The following DNAH9 variants were observed in gnomAD, a reference collection of about 807,000 sequenced individuals.
DNAH9 encodes dynein axonemal heavy chain 9.
DNAH9 carries 345 observed loss-of-function variants against 471.6 expected under a neutral mutation model. The observed-to-expected ratio is 0.73, with a 90% CI of 0.67 to 0.80. The LOEUF (loss-of-function observed/expected upper bound fraction) is 0.80, where lower values mean the gene tolerates loss of function less well. Among genes scored for constraint, DNAH9 ranks in the 30% least tolerant of loss-of-function variants. The pLI, the probability that DNAH9 is intolerant of heterozygous loss-of-function variation, is 0.00. For missense variants in DNAH9, 5,407 were observed against 5,609.2 expected (o/e 0.96, Z 1.15); for synonymous variants, 2,093 against 2,123.6 (o/e 0.99, Z 0.40).
intron 66 of DNAH9, among the ~76,000 whole-genome samples, chr17:11,941,355 A>C (rs1041093245): frequency 1.3e-5 from 2 of 152,070 alleles, no homozygotes; most frequent in Non-Finnish European, 2.9e-5. Context: ...CCTCTGTCCC[A>C]ACCTGCTGGC....
In DNAH9 at chr17:11,871,690, T is replaced by C. The variant is rs774360611; in HGVS notation, c.10146T>C (p.Leu3382=). Residue 3382 remains leucine, a synonymous_variant, in exon 52 of 69, where the codon CTT becomes CTC. Transcript: ENST00000262442. ...QERTLCGDIL[L]ITAFISYLGF... is the part of the protein sequence containing the mutation. ...GGACGTTATGTGGAGACATTTTACTTATAACGGCTTTCATTTCCTACCTTG... is the reference window on the plus strand; with the variant it reads ...GGACGTTATGTGGAGACATTTTACTCATAACGGCTTTCATTTCCTACCTTG... The C allele has an allele frequency of 1.2e-6, 2 of 1,614,094 alleles. No homozygotes were observed. The highest frequency in any genetic ancestry group is 1.7e-6 in the Non-Finnish European group (2 of 1,180,034).
chr17:11,694,510 G>A, intron 22 of DNAH9, 63 bp downstream of exon 22: 2 of 1,588,430 alleles, frequency 1.3e-6, no homozygotes, highest in Middle Eastern at 3.4e-4. Flanking sequence ...GCAGGAGGCA[G>A]TTTCTGGCTC....
At chr17:11,968,827 C>G (rs1976955661) in intron 68 of DNAH9, among the ~76,000 whole-genome samples, 1 of 152,118 alleles carries the variant, frequency 6.6e-6, no homozygotes, top group Non-Finnish European at 1.5e-5. Flanking sequence ...ATGTAGCCCT[C>G]TCCACTCTAG....
chr17:11,685,913 T>C (rs1201873474), intron 19 of DNAH9, among the ~76,000 whole-genome samples: 1 of 151,450 alleles, frequency 6.6e-6, no homozygotes, highest in Non-Finnish European at 1.5e-5. Context: ...CAAGTGATTC[T>C]CCTGCTTCAG....
rs183938145 is a variant in DNAH9 at position 11,780,260 on chromosome 17, G to A, written c.7553-749G>A. On this transcript the variant is annotated intron_variant, in intron 38 of 68. Transcript: ENST00000262442. Reference sequence around the variant, plus strand: ...GCCAGGAAACCTGAGAGCTGGGGAGGGCACCGTTCATGACACTGGAAGCAT... The same window carrying A: ...GCCAGGAAACCTGAGAGCTGGGGAGAGCACCGTTCATGACACTGGAAGCAT... Among the ~76,000 whole-genome samples, 6 of 152,320 alleles carry A rather than the reference G, an allele frequency of 3.9e-5. No individual in the cohort carries two copies. The East Asian group carries it at 1.2e-3, about 29-fold the overall frequency.
intron 48 of DNAH9, among the ~76,000 whole-genome samples, chr17:11,824,674 T>TATGC (rs1970425277): frequency 6.6e-6 from 1 of 152,244 alleles, no homozygotes; most frequent in African/African-American, 2.4e-5. Flanking sequence ...AGACTTTAAT[T>TATGC]ATGCCATTGA....
chr17:11,685,248 G>A (rs2074220276), intron 19 of DNAH9, among the ~76,000 whole-genome samples: 1 of 152,030 alleles, frequency 6.6e-6, no homozygotes, highest in African/African-American at 2.4e-5. Context: ...GCTGTTTCAG[G>A]GGGAAAAAAA....
At chr17:11,696,520 T>C (rs1407236900) in intron 22 of DNAH9, among the ~76,000 whole-genome samples, 1 of 152,166 alleles carries the variant, frequency 6.6e-6, no homozygotes, top group Non-Finnish European at 1.5e-5. Context: ...TGTTAGATAT[T>C]GCCAAGTTTC....
rs536081162 is a variant in DNAH9, at chr17:11,857,369, C to G, written c.9933+2941C>G. Among the ~76,000 whole-genome samples, 635 of 152,240 alleles carry G rather than the reference C, an allele frequency of 4.2e-3. 3 individuals carry two copies. The highest frequency in any genetic ancestry group is 5.4e-3 in the Non-Finnish European group (367 of 68,016). On this transcript the variant is annotated intron_variant, in intron 50 of 68. Transcript: ENST00000262442. ...TCCATCCTCCACTTATACACATCCC[C>G]GTCAACATCCCAGGAATGTGGGCAC...
Position 11,742,316 on chromosome 17 carries a change from A to G in DNAH9, c.6111+3A>G, listed in dbSNP as rs761521334. ...GCAAAGAGCTTCTCTCCAAACAGGT[A>G]GGATCTCTAGGGAGGCTGTACAACC... is the stretch of plus-strand genomic sequence containing the variant. On this transcript the variant is annotated splice_donor_region_variant and intron_variant, in intron 30 of 68. Transcript: ENST00000262442. 2.1e-5 allele frequency: 34 copies of G among 1,613,998 alleles called. No individual in the cohort carries two copies. Among genetic ancestry groups the G allele is most frequent in the South Asian group, 2.0e-4 (18 of 91,074 alleles).
rs377386686 is a variant in DNAH9 at position 11,744,789 on chromosome 17, G to A, written c.6112-8G>A. Reference sequence around the variant, plus strand: ...CTCTCTGTCACTTTGATCTAACACTGCCCACAGGATCACTACGACTGGGGC... The same window carrying A: ...CTCTCTGTCACTTTGATCTAACACTACCCACAGGATCACTACGACTGGGGC... On this transcript the variant is annotated splice_polypyrimidine_tract_variant and splice_region_variant and intron_variant, in intron 30 of 68. Coordinates refer to ENST00000262442, the MANE Select transcript of DNAH9 (RefSeq NM_001372.4). 7 of 1,607,296 alleles carry A rather than the reference G, an allele frequency of 4.4e-6. No homozygotes were observed. The African/African-American group carries it at 6.7e-5, about 15-fold the overall frequency.
intron 25 of DNAH9, 68 bp from the exon 26 acceptor site, chr17:11,704,957 G>A: frequency 7.5e-7 from 1 of 1,337,032 alleles, no homozygotes. Context: ...AGACCCCTAT[G>A]TGTCTTGTGG....
intron 24 of DNAH9, 39 bp from the exon 25 acceptor site, chr17:11,704,164 C>CA: frequency 1.2e-6 from 2 of 1,611,286 alleles, no homozygotes; most frequent in Non-Finnish European, 1.7e-6. Context: ...TGGAAACAGC[C>CA]ATGATAACAG....
rs183450863 is a variant in DNAH9, at chr17:11,626,396, A to G, written c.1351-3021A>G. On this transcript the variant is annotated intron_variant, in intron 6 of 68. Transcript: ENST00000262442. This position sits in a 1 kb window ranked among gnomAD's most constrained non-coding sequence, Gnocchi z 4.3. ...CAAAGATATAGCCATGGTCAATGCCATAAGTCTGGTGTCTATAGTTGTAAG... is the reference window on the plus strand; with the variant it reads ...CAAAGATATAGCCATGGTCAATGCCGTAAGTCTGGTGTCTATAGTTGTAAG... Among the ~76,000 whole-genome samples, 386 of 152,328 alleles carry G rather than the reference A, an allele frequency of 2.5e-3. 2 individuals are homozygous for G. The highest frequency in any genetic ancestry group is 3.4e-3 in the Non-Finnish European group (228 of 68,030).
chr17:11,601,157 A>G lies in DNAH9; in HGVS notation c.417+2242A>G, dbSNP rs72810827. Among the ~76,000 whole-genome samples the G allele has an allele frequency of 7.2e-3, 1,099 of 152,280 alleles. 5 individuals carry two copies. Among genetic ancestry groups the G allele is most frequent in the Non-Finnish European group, 0.012 (810 of 68,020 alleles). ...GGGATTTCTTTCTTTTTTTAACAAT[A>G]TTCTATTGTATGTATATACCACATT... On this transcript the variant is annotated intron_variant, in intron 1 of 68. Transcript: ENST00000262442.
At position 11,781,049 on chromosome 17, in the gene DNAH9, C is replaced by G. The variant is rs1423827189; in HGVS notation, c.7593C>G (p.Asn2531Lys). 6.2e-7 allele frequency: 1 copy of G among 1,614,156 alleles called. No homozygotes were observed. The highest frequency in any genetic ancestry group is 2.2e-5 in the East Asian group (1 of 44,882). Residue 2531 changes from asparagine (N) to lysine (K), a missense_variant, in exon 39 of 69, where the codon AAC (asparagine) becomes AAG (lysine). By Grantham distance (94) the Asn-to-Lys change is moderately conservative. Coordinates refer to ENST00000262442, the MANE Select transcript of DNAH9 (RefSeq NM_001372.4). ...CTCTGGAAAAGAAGGCTGGCAGAAA[C>G]TATGGCCCTCCAGGGAACAAGAAAC... ...EKPLEKKAGR[N>K]YGPPGNKKLI...
intron 9 of DNAH9, among the ~76,000 whole-genome samples, 173 bp from the exon 10 acceptor site, chr17:11,640,097 G>A (rs745762889): frequency 6.6e-6 from 1 of 152,184 alleles, no homozygotes; most frequent in African/African-American, 2.4e-5. Context: ...TCGTCTCAGG[G>A]TTACTCTTTC....
At chr17:11,853,870 A>T in intron 49 of DNAH9, 133 bp from the exon 50 acceptor site, 2 of 812,492 alleles carry the variant, frequency 2.5e-6, no homozygotes, top group Non-Finnish European at 1.9e-6. Flanking sequence ...CATGATATTT[A>T]AAATTCAGAG....
rs567205447 is a variant in DNAH9 at position 11,880,163 on chromosome 17, G to A, written c.10564G>A (p.Gly3522Arg). 3.8e-4 allele frequency: 606 copies of A among 1,613,840 alleles called. 7 individuals are homozygous for A. The South Asian group carries it at 6.4e-3, about 17-fold the overall frequency. ...NLEESIDPVL[G>R]PLLGREVIKK... ...AGAGGAGTCCATTGATCCTGTTCTGGGACCCCTGCTTGGGAGAGAAGTCAT... is the reference window on the plus strand; with the variant it reads ...AGAGGAGTCCATTGATCCTGTTCTGAGACCCCTGCTTGGGAGAGAAGTCAT... The change falls in exon 54 of 69, where the codon GGA becomes AGA. Residue 3522 changes from glycine (G) to arginine (R), a missense_variant. Physicochemically the swap from Gly to Arg is moderately radical, Grantham distance 125. Transcript: ENST00000262442.
Sources: allele counts gnomAD v4.1 joint callset (sites outside exome capture counted in the v4.1 genomes callset), GRCh38; gene constraint gnomAD v4.1.1; non-coding constraint Gnocchi (gnomAD v3.1); transcripts MANE v1.5; gene names NCBI Gene and HGNC (gene_info 2026-07-23, HGNC 2026-07-21).